Variants in ATOSA observed in about 807,000 individuals in gnomAD.
ATOSA encodes the protein atos homolog protein A.
At chr15:52,584,887 G>T in the ATOSA span, 1 of 1,613,070 alleles carries the variant, frequency 6.2e-7, no homozygotes, top group East Asian at 2.2e-5. Flanking sequence ...GGCATATCTC[G>T]TAAATCATAT....
chr15:52,681,479 A>G, the ATOSA span, among the ~76,000 whole-genome samples: 1 of 152,212 alleles, frequency 6.6e-6, no homozygotes, highest in Non-Finnish European at 1.5e-5. Context: ...GACAATAGTT[A>G]TCGCTTTCTT....
the ATOSA span, chr15:52,656,203 A>C: frequency 6.6e-6 from 1 of 152,162 alleles, no homozygotes; most frequent in Admixed American, 6.6e-5. Context: ...AATGAAGACT[A>C]AGCAATAGTT....
chr15:52,635,010 C>T, the ATOSA span, among the ~76,000 whole-genome samples: 1 of 152,092 alleles, frequency 6.6e-6, no homozygotes, highest in Non-Finnish European at 1.5e-5. Flanking sequence ...TATATTAATA[C>T]CACATTAAAT....
chr15:52,629,468 T>C, the ATOSA span, among the ~76,000 whole-genome samples: 1 of 151,572 alleles, frequency 6.6e-6, no homozygotes, highest in Non-Finnish European at 1.5e-5. Context: ...ACGGAATCCT[T>C]TCATGCCCTA....
At chr15:52,658,196 A>G in the ATOSA span, 36 of 152,350 alleles carry the variant, frequency 2.4e-4, no homozygotes, top group African/African-American at 8.4e-4. Context: ...GCCAAAATTC[A>G]TATACATCAC....
the ATOSA span, among the ~76,000 whole-genome samples, chr15:52,626,869 G>T: frequency 6.6e-6 from 1 of 152,172 alleles, no homozygotes; most frequent in African/African-American, 2.4e-5. Flanking sequence ...TACTGTCAAG[G>T]TCATTCTTGT....
chr15:52,613,829 A>C, the ATOSA span: 2 of 1,613,866 alleles, frequency 1.2e-6, no homozygotes, highest in Non-Finnish European at 1.7e-6. Flanking sequence ...ACTCCTCTGC[A>C]TCATATTCAA....
chr15:52,620,383 G>C, the ATOSA span, among the ~76,000 whole-genome samples: 2 of 152,114 alleles, frequency 1.3e-5, no homozygotes, highest in African/African-American at 4.8e-5. Context: ...CTAACTCCTT[G>C]AGAGACTCTA....
the ATOSA span, chr15:52,652,196 C>A: frequency 1.4e-6 from 1 of 692,228 alleles, no homozygotes; most frequent in Non-Finnish European, 2.0e-6. Context: ...GCTCGTCTTA[C>A]AAACTCAGCT....
At chr15:52,584,665 A>T in the ATOSA span, 1 of 1,209,492 alleles carries the variant, frequency 8.3e-7, no homozygotes, top group Non-Finnish European at 1.1e-6. Context: ...TGGTCTAGTT[A>T]GAGTCACAGT....
the ATOSA span, among the ~76,000 whole-genome samples, chr15:52,635,499 C>A: frequency 1.3e-5 from 2 of 151,822 alleles, no homozygotes; most frequent in East Asian, 3.9e-4. Context: ...TCAAGAACAA[C>A]CTGGACAACA....
the ATOSA span, among the ~76,000 whole-genome samples, chr15:52,702,533 C>G: frequency 7.9e-5 from 12 of 152,152 alleles, no homozygotes; most frequent in African/African-American, 2.9e-4. Context: ...AACATGTTCT[C>G]ACTTATAAGT....
the ATOSA span, among the ~76,000 whole-genome samples, chr15:52,617,090 G>A: frequency 2.0e-5 from 3 of 152,298 alleles, no homozygotes; most frequent in South Asian, 6.2e-4. Context: ...GGGCTGAATT[G>A]AAATTCATAT....
the ATOSA span, among the ~76,000 whole-genome samples, chr15:52,646,652 CA>C: frequency 3.3e-5 from 5 of 152,096 alleles, no homozygotes; most frequent in Admixed American, 2.6e-4. Flanking sequence ...GGAAAAAAAC[CA>C]TGTGACACTT....
At chr15:52,590,857 A>G in the ATOSA span, 1 of 152,370 alleles carries the variant, frequency 6.6e-6, no homozygotes, top group South Asian at 2.1e-4. Context: ...TAAATGGGAT[A>G]GTTGACTCAA....
the ATOSA span, among the ~76,000 whole-genome samples, chr15:52,697,957 A>ATTTT: frequency 4.5e-3 from 201 of 44,802 alleles, 12 homozygotes; most frequent in Non-Finnish European, 5.3e-3. Flanking sequence ...GGGATGTAGA[A>ATTTT]TTTTTTTTTT....
chr15:52,626,751 C>G, the ATOSA span, among the ~76,000 whole-genome samples: 9 of 152,080 alleles, frequency 5.9e-5, no homozygotes, highest in East Asian at 1.5e-3. Context: ...AAATCTCATC[C>G]AGTGTGCCAA....
At chr15:52,688,051 C>T in the ATOSA span, among the ~76,000 whole-genome samples, 2 of 152,238 alleles carry the variant, frequency 1.3e-5, no homozygotes, top group East Asian at 1.9e-4. Flanking sequence ...CTGATTCACA[C>T]ATCAACCCAA....
At chr15:52,670,049 C>T in the ATOSA span, among the ~76,000 whole-genome samples, 110 of 152,210 alleles carry the variant, frequency 7.2e-4, no homozygotes, top group African/African-American at 2.7e-3. Flanking sequence ...AAATAGTGGG[C>T]TGTGTTCCAA....
Sources: allele counts gnomAD v4.1 joint callset (sites outside exome capture counted in the v4.1 genomes callset), GRCh38; gene constraint gnomAD v4.1.1; transcripts MANE v1.5; gene names NCBI Gene and HGNC (gene_info 2026-07-23, HGNC 2026-07-21).